Variants in AGMO observed in about 807,000 individuals in gnomAD.
AGMO encodes alkylglycerol monooxygenase, also known as glyceryl-ether monooxygenase.
In AGMO, 75 loss-of-function variants were observed where a neutral mutation model predicts 60.2. That is an observed-to-expected ratio of 1.25 (90% confidence interval 1.03 to 1.51). The LOEUF is 1.51. AGMO is among the 40% of genes most tolerant of loss of function. The pLI, the probability that AGMO is intolerant of heterozygous loss-of-function variation, is 0.00. For missense variants in AGMO, 763 were observed against 525.5 expected, an observed-to-expected ratio of 1.45 and a Z score of -4.42; for synonymous variants, 261 against 177.1, an observed-to-expected ratio of 1.47 and a Z score of -3.76.
chr7:15,392,194 C>T (rs999378548), intron 6 of AGMO, among the ~76,000 whole-genome samples: 10 of 152,114 alleles, frequency 6.6e-5, no homozygotes, highest in East Asian at 2.0e-4. Context: ...CTCAGCCTCC[C>T]GAGTAGCTGC....
At chr7:15,336,437 A>C (rs533851125) in intron 12 of AGMO, among the ~76,000 whole-genome samples, 1 of 151,928 alleles carries the variant, frequency 6.6e-6, no homozygotes, top group Non-Finnish European at 1.5e-5. Context: ...AAGAAAAAAA[A>C]ACACCAGTAA....
chr7:15,297,371 T>C (rs564754668), intron 12 of AGMO, among the ~76,000 whole-genome samples: 1 of 152,316 alleles, frequency 6.6e-6, no homozygotes, highest in African/African-American at 2.4e-5. Flanking sequence ...TTATTGGCAT[T>C]ATGGAATAAA....
intron 12 of AGMO, among the ~76,000 whole-genome samples, chr7:15,279,524 G>A (rs1005216373): frequency 6.6e-6 from 1 of 151,360 alleles, no homozygotes; most frequent in African/African-American, 2.4e-5. Flanking sequence ...GATTTGTTTT[G>A]TTTTGTTCTC....
chr7:15,512,053 A>C (rs1220245198), intron 3 of AGMO, among the ~76,000 whole-genome samples: 1 of 152,086 alleles, frequency 6.6e-6, no homozygotes, highest in Non-Finnish European at 1.5e-5. Context: ...AAATGAACAT[A>C]CAAAATAATT....
intron 3 of AGMO, among the ~76,000 whole-genome samples, chr7:15,434,802 G>A (rs1056037571): frequency 6.6e-6 from 1 of 152,082 alleles, no homozygotes; most frequent in Admixed American, 6.6e-5. Flanking sequence ...CTTGTTTTAA[G>A]CTTGTAACTT....
chr7:15,180,326 ATACTT>A, the AGMO span, among the ~76,000 whole-genome samples: 1 of 152,174 alleles, frequency 6.6e-6, no homozygotes, highest in Non-Finnish European at 1.5e-5. Context: ...AGAAGCCTGA[ATACTT>A]TGCTATTTAG....
intron 12 of AGMO, among the ~76,000 whole-genome samples, chr7:15,211,631 CCTTA>C (rs1335560912): frequency 6.6e-6 from 1 of 151,348 alleles, no homozygotes; most frequent in African/African-American, 2.4e-5. Flanking sequence ...TATTTTAATT[CCTTA>C]CTTATGACAA....
chr7:15,428,103 T>C lies in AGMO; in HGVS notation c.513+2902A>G, dbSNP rs563828126. On this transcript the variant is annotated intron_variant, in intron 4 of 12. Coordinates refer to ENST00000342526, the MANE Select transcript of AGMO (RefSeq NM_001004320.2). The stretch of plus-strand genomic sequence containing the variant: ...GTCCTAAAATACATTGTTACCTTGG[T>C]AACTGCTAAATTATCGGCCTCATGT... Among the ~76,000 whole-genome samples the C allele has an allele frequency of 2.0e-5, 3 of 150,978 alleles. No homozygotes were observed. In the South Asian group the frequency reaches 6.3e-4, roughly 32 times the overall value.
chr7:15,480,082 T>C (rs1782709624), intron 3 of AGMO, among the ~76,000 whole-genome samples: 1 of 152,132 alleles, frequency 6.6e-6, no homozygotes, highest in African/African-American at 2.4e-5. Context: ...AAGCGGTTAC[T>C]ATAGCCTGAG....
In AGMO at chr7:15,341,533, T is replaced by C. The variant is rs193013994; in HGVS notation, c.1263+23981A>G. Among the ~76,000 whole-genome samples, 489 of 152,274 alleles carry C rather than the reference T, an allele frequency of 3.2e-3. 3 individuals carry two copies. The highest frequency in any genetic ancestry group is 0.011 in the African/African-American group (463 of 41,560). ...AACAAGTCTCTAGGAAGTTCCAAAG[T>C]TTCCCACATCTTTCTGTCTTCTTCT... On this transcript the variant is annotated intron_variant, in intron 12 of 12. Coordinates refer to ENST00000342526, the MANE Select transcript of AGMO (RefSeq NM_001004320.2).
chr7:15,488,278 G>C (rs1171222599), intron 3 of AGMO, among the ~76,000 whole-genome samples: 1 of 152,138 alleles, frequency 6.6e-6, no homozygotes, highest in Non-Finnish European at 1.5e-5. Context: ...GTAGTTTGTT[G>C]GCAAAATTCT....
intron 3 of AGMO, among the ~76,000 whole-genome samples, chr7:15,531,207 C>A (rs1366595667): frequency 1.6e-5 from 1 of 63,002 alleles, no homozygotes; most frequent in East Asian, 4.6e-4. Context: ...TATATATATT[C>A]TATATATTCT....
chr7:15,148,484 A>G, the AGMO span, among the ~76,000 whole-genome samples: 2 of 151,812 alleles, frequency 1.3e-5, no homozygotes, highest in East Asian at 1.9e-4. Context: ...TCCTCCTCCC[A>G]TGGACCACCC....
In AGMO at chr7:15,431,899, C is replaced by T. The variant is rs565223749; in HGVS notation, c.410-791G>A. On this transcript the variant is annotated intron_variant, in intron 3 of 12. Transcript: ENST00000342526. ...AAAAATTTTTACAACAAATATGACA[C>T]TGCATTGATCCCCTAAGTAGTTGAC... is the stretch of plus-strand genomic sequence containing the variant. Among the ~76,000 whole-genome samples, 50 of 151,952 alleles carry T rather than the reference C, an allele frequency of 3.3e-4. 1 individual carries two copies. In the East Asian group the frequency reaches 9.7e-3, roughly 29 times the overall value.
At chr7:15,202,458 C>CAAAAAAAAAAAAAAAAAAAAAAAAA (rs71004370) in intron 12 of AGMO, among the ~76,000 whole-genome samples, 46 of 45,364 alleles carry the variant, frequency 1.0e-3, no homozygotes, top group Non-Finnish European at 1.4e-3. Flanking sequence ...TACAAATGAG[C>CAAAAAAAAAAAAAAAAAAAAAAAAA]AAAAAAAAAA....
At chr7:15,418,508 G>C (rs778645365) in intron 5 of AGMO, 50 bp downstream of exon 5, 1 of 1,162,588 alleles carries the variant, frequency 8.6e-7, no homozygotes. Context: ...CCAGGACATT[G>C]CTTCAGGCTG....
chr7:15,178,031 A>T, the AGMO span, among the ~76,000 whole-genome samples: 1 of 151,350 alleles, frequency 6.6e-6, no homozygotes, highest in Non-Finnish European at 1.5e-5. Context: ...TATGTACTCC[A>T]CTCTTCTTAC....
At chr7:15,532,976 G>A (rs190634107) in intron 3 of AGMO, among the ~76,000 whole-genome samples, 2 of 152,066 alleles carry the variant, frequency 1.3e-5, no homozygotes, top group Non-Finnish European at 2.9e-5. Flanking sequence ...GGGTGACAGA[G>A]CAAAACCCTG....
intron 3 of AGMO, among the ~76,000 whole-genome samples, chr7:15,433,838 C>T (rs941735041): frequency 1.3e-5 from 2 of 151,802 alleles, no homozygotes; most frequent in Non-Finnish European, 2.9e-5. Context: ...CTTTCTAGTG[C>T]CAAATGTAAT....
Sources: gnomAD v4.1 joint callset for allele counts (sites outside exome capture counted in the v4.1 genomes callset) on GRCh38, gnomAD v4.1.1 for gene constraint, MANE v1.5 for transcripts, NCBI Gene and HGNC (gene_info 2026-07-23, HGNC 2026-07-21) for gene names.